CCDC32: variants seen among roughly 807,000 people sequenced by gnomAD.
CCDC32 encodes coiled-coil domain-containing protein 32.
CCDC32 carries 9 observed loss-of-function variants against 20.1 expected under a neutral mutation model. The ratio of observed to expected loss-of-function variants is 0.45; its 90% confidence interval spans 0.27 to 0.78. CCDC32 has a LOEUF of 0.78. CCDC32 is among the 30% of genes least tolerant of loss of function. CCDC32 has a pLI of 0.16. For missense variants in CCDC32, 204 were observed against 215.5 expected (o/e 0.95, Z 0.33); for synonymous variants, 63 against 79.0 (o/e 0.80, Z 1.07).
At position 40,539,505 on chromosome 15, in the gene CCDC32, C is replaced by T. The variant is rs912160290; in HGVS notation, c.402-150G>A. On this transcript the variant is annotated intron_variant, in intron 3 of 3. Transcript: ENST00000558113. ...AGTGAGGTGTCGACACAGCCTCAGC[C>T]GTGCAGGACTGCAGGAAAAATAAAG... 9.0e-6 allele frequency: 6 copies of T among 669,728 alleles called. No homozygotes were observed. In the Admixed American group the frequency reaches 1.1e-4, roughly 12 times the overall value. The allele number at this position is 669,728 out of a possible 1,614,324, so 41.5% of individuals were successfully genotyped here. A position where few individuals can be genotyped will look rare whatever the true frequency, so the allele number is the denominator to read the frequency against.
intron 2 of CCDC32, chr15:40,557,781 T>C (rs1890348665): frequency 6.5e-6 from 1 of 153,446 alleles, no homozygotes; most frequent in Non-Finnish European, 1.4e-5. Flanking sequence ...TTTTTTCTTT[T>C]TGTTACAGTA....
chr15:40,551,582 C>T (rs920276084), downstream of CCDC32, among the ~76,000 whole-genome samples: 14 of 151,940 alleles, frequency 9.2e-5, no homozygotes, highest in African/African-American at 3.4e-4. Context: ...AGGAATAAAG[C>T]GACTAAATCT....
At chr15:40,534,511 T>C (rs1889025195), downstream of CCDC32, 1 of 165,320 alleles carries the variant, frequency 6.0e-6, no homozygotes, top group South Asian at 1.7e-4. Context: ...AACCATCAGA[T>C]CTCGTGAGAA....
chr15:40,524,053 T>G (rs763696139), downstream of CCDC32, among the ~76,000 whole-genome samples: 2 of 150,964 alleles, frequency 1.3e-5, no homozygotes, highest in African/African-American at 4.9e-5. Context: ...GACGGGAGAA[T>G]GGATAAGTAA....
intron 3 of CCDC32, among the ~76,000 whole-genome samples, chr15:40,540,891 G>A (rs1041137914): frequency 2.0e-5 from 3 of 152,166 alleles, no homozygotes; most frequent in African/African-American, 7.2e-5. Flanking sequence ...GTGAGAAGCT[G>A]GGCCAAGAAG....
chr15:40,540,568 C>T (rs1889351119), intron 3 of CCDC32, among the ~76,000 whole-genome samples: 1 of 151,940 alleles, frequency 6.6e-6, no homozygotes, highest in Non-Finnish European at 1.5e-5. Flanking sequence ...AGGGTTTCAC[C>T]ATGCTGGCCA....
At chr15:40,564,034 G>A (rs8034817) in intron 1 of CCDC32, among the ~76,000 whole-genome samples, 133,708 of 151,444 alleles carry the variant, frequency 0.88, 59,327 homozygotes, top group Non-Finnish European at 0.93. Context: ...TTTAGCCAGG[G>A]TGGTCTCGAT....
chr15:40,564,217 C>T (rs1890867615), intron 1 of CCDC32, among the ~76,000 whole-genome samples: 1 of 152,190 alleles, frequency 6.6e-6, no homozygotes. Flanking sequence ...TCAGAGAGTA[C>T]TGTTACAATG....
At chr15:40,524,223 T>G (rs1894869654), downstream of CCDC32, among the ~76,000 whole-genome samples, 2 of 143,424 alleles carry the variant, frequency 1.4e-5, no homozygotes, top group Admixed American at 1.5e-4. Flanking sequence ...GATGGCGCGA[T>G]CTCGGCTCTG....
intron 3 of CCDC32, among the ~76,000 whole-genome samples, chr15:40,546,246 C>CA (rs1447500552): frequency 6.0e-5 from 9 of 149,644 alleles, no homozygotes; most frequent in Non-Finnish European, 1.2e-4. Context: ...GGCTGGAGGG[C>CA]AGTGGCATGA....
downstream of CCDC32, chr15:40,535,001 G>T (rs57374749): frequency 2.4e-5 from 17 of 703,930 alleles, no homozygotes; most frequent in Middle Eastern, 2.3e-4. Context: ...TGATCTTCCC[G>T]AGCCCATGCC....
intron 3 of CCDC32, among the ~76,000 whole-genome samples, chr15:40,554,685 T>C (rs191865087): frequency 2.0e-5 from 3 of 152,272 alleles, no homozygotes; most frequent in Non-Finnish European, 2.9e-5. Context: ...GCAGCAAATA[T>C]TCCCCACAAG....
At chr15:40,546,802 A>C (rs1359056919) in intron 3 of CCDC32, among the ~76,000 whole-genome samples, 1 of 151,804 alleles carries the variant, frequency 6.6e-6, no homozygotes, top group Non-Finnish European at 1.5e-5. Flanking sequence ...CCCAGGTTCA[A>C]GTGATTCTCC....
chr15:40,557,305 C>T lies in CCDC32; in HGVS notation c.312G>A (p.Leu104=), dbSNP rs775144580. The T allele has an allele frequency of 1.9e-6, 3 of 1,614,062 alleles. No individual in the cohort carries two copies. Among genetic ancestry groups the T allele is most frequent in the East Asian group, 2.2e-5 (1 of 44,898 alleles). Reference sequence around the variant, plus strand: ...CCCAGCATTCCTTCTTGGCTTGGGCCAGAGTTCGAAGCATGTCCTTGGAAG... The same window carrying T: ...CCCAGCATTCCTTCTTGGCTTGGGCTAGAGTTCGAAGCATGTCCTTGGAAG... The part of the protein sequence containing the change: ...EVTSKDMLRT[L]AQAKKECWDR... The change falls in exon 3 of 4, where the codon CTG becomes CTA. Residue 104 remains leucine (L), a synonymous_variant. Transcript: ENST00000416810.
downstream of CCDC32, among the ~76,000 whole-genome samples, chr15:40,527,644 G>A (rs1276607569): frequency 1.3e-5 from 2 of 152,168 alleles, no homozygotes; most frequent in South Asian, 2.1e-4. Context: ...TCATAAATTC[G>A]TGGATTAATG....
At chr15:40,559,087 C>T (rs1890450636) in intron 2 of CCDC32, among the ~76,000 whole-genome samples, 1 of 149,350 alleles carries the variant, frequency 6.7e-6, no homozygotes, top group Non-Finnish European at 1.5e-5. Flanking sequence ...TCTTTCTCTT[C>T]CTTCCTCTCT....
rs1890016982 is a variant in CCDC32 at position 40,553,603 on chromosome 15, C to T, written c.*368G>A. The T allele has an allele frequency of 1.9e-6, 2 of 1,025,942 alleles. No homozygotes were observed. Among genetic ancestry groups the T allele is most frequent in the Non-Finnish European group, 1.2e-6 (1 of 856,858 alleles). The allele number at this position is 1,025,942 out of a possible 1,614,324, so 63.6% of individuals were successfully genotyped here. ...TGGCTCACTTAACTTACACATTACA[C>T]ATAAGAGGCCTCAGTTTCTCCAAGT... On this transcript the variant is annotated 3_prime_UTR_variant, in exon 4 of 4. Coordinates refer to ENST00000416810, the MANE Select transcript of CCDC32 (RefSeq NM_001080792.4).
downstream of CCDC32, chr15:40,534,669 G>T (rs1024010092): frequency 1.9e-6 from 1 of 518,080 alleles, no homozygotes; most frequent in Non-Finnish European, 3.5e-6. Flanking sequence ...ATCACCAACT[G>T]TCTACTTCTC....
At chr15:40,539,880 A>ACACC (rs769226221) in intron 3 of CCDC32, among the ~76,000 whole-genome samples, 35 of 139,138 alleles carry the variant, frequency 2.5e-4, no homozygotes, top group African/African-American at 6.0e-4. Flanking sequence ...ACACACACAC[A>ACACC]CCCCGCTCCT....
Sources: gnomAD v4.1 joint callset for allele counts (sites outside exome capture counted in the v4.1 genomes callset) on GRCh38, gnomAD v4.1.1 for gene constraint, MANE v1.5 for transcripts, NCBI Gene and HGNC (gene_info 2026-07-23, HGNC 2026-07-21) for gene names.